Variants in SFMBT2 observed in about 807,000 individuals in gnomAD.
The protein encoded by SFMBT2 is Scm like with four mbt domains 2.
A neutral mutation model predicts 110.1 loss-of-function variants in SFMBT2; 38 were observed. The observed-to-expected ratio is 0.35, with a 90% CI of 0.27 to 0.45. The LOEUF is 0.45. Ranked by LOEUF, SFMBT2 falls within the 20% of genes least tolerant of loss-of-function variation. SFMBT2 has a pLI of 1.00. For synonymous variants in SFMBT2, 425 were observed against 425.4 expected (o/e 1.00, Z 0.01); for missense variants, 1,011 against 1,094.9 (o/e 0.92, Z 1.08).
Position 7,172,335 on chromosome 10 carries a change from C to T in SFMBT2, c.2151+160G>A, listed in dbSNP as rs145952345. 1.5e-3 allele frequency: 1,463 copies of T among 985,414 alleles called. 4 individuals are homozygous for T. Among genetic ancestry groups the T allele is most frequent in the Non-Finnish European group, 1.6e-3 (1,364 of 829,876 alleles). 61.0% of individuals were successfully genotyped at this position (985,414 alleles called of 1,614,324 possible). On this transcript the variant is annotated intron_variant, in intron 18 of 20. Transcript: ENST00000397167. This position sits in a 1 kb window ranked among gnomAD's most constrained non-coding sequence, Gnocchi z 4.6. ...CCAGCCAAAGCAGCTGGACACACTA[C>T]ATTTGTTTTCAGCAAGTAAGGAGGA...
At chr10:7,359,121 G>C (rs1844624459) in intron 4 of SFMBT2, among the ~76,000 whole-genome samples, 1 of 152,220 alleles carries the variant, frequency 6.6e-6, no homozygotes, top group Non-Finnish European at 1.5e-5. Flanking sequence ...GTCAAGCCTG[G>C]AGCAGCCAGA....
At chr10:7,376,431 C>A (rs11255096) in intron 2 of SFMBT2, among the ~76,000 whole-genome samples, 1 of 151,562 alleles carries the variant, frequency 6.6e-6, no homozygotes, top group African/African-American at 2.4e-5. Flanking sequence ...AGAAAAAGGT[C>A]CCCCCACCCT....
intron 4 of SFMBT2, among the ~76,000 whole-genome samples, chr10:7,315,760 A>T (rs1842992809): frequency 6.6e-6 from 1 of 152,228 alleles, no homozygotes; most frequent in East Asian, 1.9e-4. Context: ...TACACCAGTT[A>T]AGAGCTGTAT....
At chr10:7,177,952 G>A in intron 16 of SFMBT2, among the ~76,000 whole-genome samples, 1 of 152,082 alleles carries the variant, frequency 6.6e-6, no homozygotes, top group Non-Finnish European at 1.5e-5. Flanking sequence ...GAGGGAGAAG[G>A]TGGCCATCCA....
At chr10:7,369,688 C>T (rs1456831542) in intron 3 of SFMBT2, among the ~76,000 whole-genome samples, 2 of 152,044 alleles carry the variant, frequency 1.3e-5, no homozygotes, top group African/African-American at 4.8e-5. Flanking sequence ...AAGCTGAAAA[C>T]ATACAGCCAT....
intron 1 of SFMBT2, among the ~76,000 whole-genome samples, chr10:7,384,245 C>G (rs1015081339): frequency 8.8e-6 from 1 of 113,744 alleles, no homozygotes; most frequent in Non-Finnish European, 1.8e-5. Flanking sequence ...AAAACAACCA[C>G]AGAAAGGACA....
intron 7 of SFMBT2, chr10:7,249,192 G>T (rs1277935503): frequency 6.4e-6 from 2 of 314,030 alleles, no homozygotes; most frequent in Non-Finnish European, 9.3e-6. Flanking sequence ...ATGCCTGCAG[G>T]TAAGAATCCA....
At chr10:7,380,477 T>C (rs1051205009) in intron 2 of SFMBT2, among the ~76,000 whole-genome samples, 1 of 152,340 alleles carries the variant, frequency 6.6e-6, no homozygotes, top group South Asian at 2.1e-4. Context: ...TAATCTGTCA[T>C]TGACTAGTCT....
intron 1 of SFMBT2, among the ~76,000 whole-genome samples, chr10:7,389,947 T>C (rs938513951): frequency 1.3e-5 from 2 of 152,232 alleles, no homozygotes; most frequent in African/African-American, 4.8e-5. Context: ...AGAGTAATGC[T>C]AGCACAGGCT....
intron 9 of SFMBT2, among the ~76,000 whole-genome samples, chr10:7,239,660 T>TTC (rs771343465): frequency 1.3e-5 from 2 of 152,188 alleles, no homozygotes; most frequent in Non-Finnish European, 2.9e-5. Flanking sequence ...CCTTGTAAAA[T>TTC]TATTCCCTAA....
intron 1 of SFMBT2, among the ~76,000 whole-genome samples, chr10:7,400,299 A>T (rs970698725): frequency 8.5e-5 from 13 of 152,226 alleles, no homozygotes; most frequent in African/African-American, 2.9e-4. Context: ...CAGTTCAGTC[A>T]GTCTTAAAGG....
intron 16 of SFMBT2, chr10:7,176,713 CACATTTAAATGG>C (rs1464599222): frequency 6.5e-6 from 1 of 154,526 alleles, no homozygotes; most frequent in Non-Finnish European, 1.4e-5. Flanking sequence ...TAAGCAAGGT[CACATTTAAATGG>C]ACAGAAACAC....
At chr10:7,348,393 T>C in intron 4 of SFMBT2, 11 of 1,393,282 alleles carry the variant, frequency 7.9e-6, no homozygotes, top group Non-Finnish European at 1.0e-5. Context: ...TAATCCATGA[T>C]GGGCTTTGGG....
At chr10:7,254,830 A>G (rs1165746221) in intron 7 of SFMBT2, among the ~76,000 whole-genome samples, 2 of 152,130 alleles carry the variant, frequency 1.3e-5, no homozygotes, top group Non-Finnish European at 2.9e-5. Flanking sequence ...CCGTCTAAAA[A>G]AAAAGATTCT....
At chr10:7,251,936 A>T (rs80018624) in intron 7 of SFMBT2, among the ~76,000 whole-genome samples, 9,655 of 152,210 alleles carry the variant, frequency 0.063, 413 homozygotes, top group Admixed American at 0.089. Context: ...CTCTAGAGGC[A>T]TCCTGACAGC....
chr10:7,198,191 A>G, intron 14 of SFMBT2: 1 of 978,834 alleles, frequency 1.0e-6, no homozygotes, highest in Non-Finnish European at 1.2e-6. Context: ...TTGCTTAACA[A>G]GAAGTTTCTG....
chr10:7,265,489 C>T (rs1020691494), intron 7 of SFMBT2, among the ~76,000 whole-genome samples: 42 of 152,184 alleles, frequency 2.8e-4, no homozygotes, highest in African/African-American at 9.4e-4. Context: ...GCATGAGCCA[C>T]CGCGCCTGGC....
intron 2 of SFMBT2, 106 bp from the exon 3 acceptor site, chr10:7,370,481 T>A: frequency 1.1e-6 from 1 of 951,012 alleles, no homozygotes. Context: ...ACAAGCTAAT[T>A]CCACAGTTCA....
At chr10:7,201,824 C>T (rs1044208333) in intron 13 of SFMBT2, among the ~76,000 whole-genome samples, 4 of 152,082 alleles carry the variant, frequency 2.6e-5, no homozygotes, top group African/African-American at 7.3e-5. Context: ...CATAAAGTCA[C>T]AATTGAAATG....
Sources: allele counts gnomAD v4.1 joint callset (sites outside exome capture counted in the v4.1 genomes callset), GRCh38; gene constraint gnomAD v4.1.1; non-coding constraint Gnocchi (gnomAD v3.1); transcripts MANE v1.5; gene names NCBI Gene and HGNC (gene_info 2026-07-23, HGNC 2026-07-21).